The following PNPLA7 variants were observed in gnomAD, a reference collection of about 807,000 sequenced individuals.
PNPLA7 encodes patatin-like phospholipase domain-containing protein 7.
In PNPLA7, 153 loss-of-function variants were observed where a neutral mutation model predicts 161.7. The ratio of observed to expected loss-of-function variants is 0.95; its 90% CI spans 0.83 to 1.08. PNPLA7 has a LOEUF of 1.08. PNPLA7 is among the 50% of genes least tolerant of loss of function. PNPLA7 has a pLI of 0.00. For synonymous variants in PNPLA7, 809 were observed against 782.1 expected, an observed-to-expected ratio of 1.03 and a Z score of -0.57; for missense variants, 1,739 against 1,856.6, an observed-to-expected ratio of 0.94 and a Z score of 1.16.
At position 137,480,993 on chromosome 9, in the gene PNPLA7, A is replaced by G. The variant is rs1452390814; in HGVS notation, c.2378T>C (p.Ile793Thr). 4 of 1,551,516 alleles carry G rather than the reference A, an allele frequency of 2.6e-6. No individual in the cohort carries two copies. The South Asian group carries it at 3.6e-5, about 14-fold the overall frequency. Residue 793 changes from isoleucine to threonine, a missense_variant, in exon 22 of 35, where the codon ATA becomes ACA. Physicochemically the swap from Ile to Thr is moderately conservative, Grantham distance 89. Coordinates refer to ENST00000406427, the MANE Select transcript of PNPLA7 (RefSeq NM_001098537.3). ...GGCAGCGGAGCCAAGGCGCCGTTTT[A>G]TGTTGTCACTAGTCAGCAGCAGGGT... ...GPTLLLTSDN[I>T]KRRLGSAALD...
intron 21 of PNPLA7, among the ~76,000 whole-genome samples, chr9:137,483,703 C>T (rs543789264): frequency 2.0e-5 from 3 of 151,942 alleles, no homozygotes; most frequent in Admixed American, 6.6e-5. Flanking sequence ...GTGATCCACC[C>T]GCCTCGGCCT....
In PNPLA7 at chr9:137,493,093, A is replaced by T; in HGVS notation, c.2128-11T>A. The stretch of plus-strand genomic sequence containing the variant: ...CAGCCGAGTCACCACCTGCGGGCAG[A>T]CACAGGAGCCAAGAGCCACACGTTT... On this transcript the variant is annotated splice_polypyrimidine_tract_variant and intron_variant, in intron 19 of 34. Coordinates refer to ENST00000406427, the MANE Select transcript of PNPLA7 (RefSeq NM_001098537.3). 6.2e-7 allele frequency: 1 copy of T among 1,613,836 alleles called. No individual in the cohort carries two copies. The highest frequency in any genetic ancestry group is 8.5e-7 in the Non-Finnish European group (1 of 1,179,956).
chr9:137,521,228 C>T (rs1354404861), intron 10 of PNPLA7, among the ~76,000 whole-genome samples: 1 of 152,130 alleles, frequency 6.6e-6, no homozygotes, highest in Non-Finnish European at 1.5e-5. Flanking sequence ...GTGTGGCTGC[C>T]GATGTCCTAC....
At chr9:137,469,630 C>T (rs540317564) in intron 25 of PNPLA7, among the ~76,000 whole-genome samples, 2 of 151,996 alleles carry the variant, frequency 1.3e-5, no homozygotes, top group South Asian at 2.1e-4. Context: ...AATGTCTGCT[C>T]GTCTAAATGT....
chr9:137,544,213 G>T (rs1364815448), intron 4 of PNPLA7, among the ~76,000 whole-genome samples: 1 of 152,092 alleles, frequency 6.6e-6, no homozygotes. Flanking sequence ...CTCTGACCTG[G>T]GGCCACTGCC....
Position 137,500,021 on chromosome 9 carries a change from A to G in PNPLA7, c.1757+670T>C, listed in dbSNP as rs1222099913. ...GAGATTCTGGACCTGACAGAGCAGA[A>G]TGCCCAGTGCCGTGGATGCAAAGAC... On this transcript the variant is annotated intron_variant, in intron 16 of 34. Coordinates refer to ENST00000406427, the MANE Select transcript of PNPLA7 (RefSeq NM_001098537.3). This position sits in a 1 kb window ranked among gnomAD's most constrained non-coding sequence, Gnocchi z 5.5. 6.6e-6 allele frequency among the ~76,000 whole-genome samples: 1 copy of G among 152,248 alleles called. No homozygotes were observed. Among genetic ancestry groups the G allele is most frequent in the Non-Finnish European group, 1.5e-5 (1 of 68,040 alleles).
At chr9:137,484,813 G>A (rs767078546) in intron 20 of PNPLA7, 77 bp from the exon 21 acceptor site, 149 of 1,469,242 alleles carry the variant, frequency 1.0e-4, no homozygotes, top group Middle Eastern at 4.2e-4. Flanking sequence ...GGGGCCCCCC[G>A]AGGCTGCACA....
intron 32 of PNPLA7, 114 bp downstream of exon 32, chr9:137,461,817 G>A (rs116588758): frequency 7.9e-7 from 1 of 1,271,166 alleles, no homozygotes; most frequent in South Asian, 1.5e-5. Flanking sequence ...GGCCAGGGGG[G>A]CAGGGCCTGT....
At chr9:137,492,633 T>G (rs1264438448) in intron 20 of PNPLA7, among the ~76,000 whole-genome samples, 41 of 13,148 alleles carry the variant, frequency 3.1e-3, no homozygotes, top group Admixed American at 3.4e-3. Flanking sequence ...ATGAGCTGGG[T>G]GGGTGGGACT....
At chr9:137,517,778 CTCA>C (rs1834692156) in intron 11 of PNPLA7, among the ~76,000 whole-genome samples, 1 of 33,246 alleles carries the variant, frequency 3.0e-5, no homozygotes, top group African/African-American at 2.0e-4. Context: ...CACTCCATCC[CTCA>C]CTCACTCACT....
At chr9:137,538,618 A>G (rs1836019599) in intron 8 of PNPLA7, among the ~76,000 whole-genome samples, 1 of 152,270 alleles carries the variant, frequency 6.6e-6, no homozygotes, top group African/African-American at 2.4e-5. Context: ...CAAAAGGTGT[A>G]ACTCAAAAGA....
Position 137,540,629 on chromosome 9 carries a change from G to C in PNPLA7, c.747+13C>G, listed in dbSNP as rs1836144500. On this transcript the variant is annotated intron_variant, in intron 8 of 34. Transcript: ENST00000406427. The surrounding 1 kb of genome is among the most constrained non-coding windows in gnomAD (Gnocchi z 5.1). ...CCAGGGGCGCCCGGAGGGCCAGGCA[G>C]CGGGGGACTCACGGTGATGATGTCC... 2 of 1,605,634 alleles carry C rather than the reference G, an allele frequency of 1.2e-6. No homozygotes were observed. Among genetic ancestry groups the C allele is most frequent in the Non-Finnish European group, 1.7e-6 (2 of 1,176,624 alleles).
At position 137,510,879 on chromosome 9, in the gene PNPLA7, A is replaced by G. The variant is rs556102294; in HGVS notation, c.1225+4500T>C. Among the ~76,000 whole-genome samples, 87 of 152,360 alleles carry G rather than the reference A, an allele frequency of 5.7e-4. 1 individual carries two copies. The highest frequency in any genetic ancestry group is 1.4e-3 in the Admixed American group (21 of 15,306). ...ACAAGCTGTTCCAATATAATCAAGA[A>G]AATAGTTAGGATAAGAGAAAGTTAT... On this transcript the variant is annotated intron_variant, in intron 12 of 34. Coordinates refer to ENST00000406427, the MANE Select transcript of PNPLA7 (RefSeq NM_001098537.3).
At chr9:137,471,394 T>A (rs1344994031) in intron 25 of PNPLA7, among the ~76,000 whole-genome samples, 6 of 150,056 alleles carry the variant, frequency 4.0e-5, no homozygotes, top group East Asian at 2.0e-4. Context: ...AGATCAGGAG[T>A]TCAAGACCAG....
chr9:137,543,922 C>T lies in PNPLA7; in HGVS notation c.274-107G>A. The stretch of plus-strand genomic sequence containing the variant: ...GACCTGCCTGTGGGCCTCCCACAGT[C>T]CCAGCTTCAGCTCCTGGGGTCTGGC... On this transcript the variant is annotated intron_variant, in intron 4 of 34. Transcript: ENST00000406427. The surrounding 1 kb of genome is among the most constrained non-coding windows in gnomAD (Gnocchi z 6.9). 3 of 900,870 alleles carry T rather than the reference C, an allele frequency of 3.3e-6. No individual in the cohort carries two copies. Among genetic ancestry groups the T allele is most frequent in the Non-Finnish European group, 5.4e-6 (3 of 558,604 alleles). 55.8% of individuals were successfully genotyped at this position (900,870 alleles called of 1,614,324 possible). A position where few individuals can be genotyped will look rare whatever the true frequency, so the allele number is the denominator to read the frequency against.
rs567981978 is a variant in PNPLA7, at chr9:137,523,775, C to T, written c.748-918G>A. On this transcript the variant is annotated intron_variant, in intron 8 of 34. Coordinates refer to ENST00000406427, the MANE Select transcript of PNPLA7 (RefSeq NM_001098537.3). The surrounding 1 kb of genome is among the most constrained non-coding windows in gnomAD (Gnocchi z 4.4). ...CACAGTAGCTGGGGCTACAAGCGCC[C>T]GCCACCACGCCCGGCTAATTTGTTT... Among the ~76,000 whole-genome samples, 3 of 152,110 alleles carry T rather than the reference C, an allele frequency of 2.0e-5. No individual in the cohort carries two copies. The highest frequency in any genetic ancestry group is 6.5e-5 in the Admixed American group (1 of 15,272).
intron 26 of PNPLA7, among the ~76,000 whole-genome samples, chr9:137,465,107 G>A (rs1467371204): frequency 6.6e-6 from 1 of 152,198 alleles, no homozygotes; most frequent in African/African-American, 2.4e-5. Flanking sequence ...CAGGGCTCAG[G>A]GGACGGAGGC....
At chr9:137,511,587 G>C (rs533168609) in intron 12 of PNPLA7, among the ~76,000 whole-genome samples, 1 of 152,336 alleles carries the variant, frequency 6.6e-6, no homozygotes, top group African/African-American at 2.4e-5. Flanking sequence ...GACCAGGAAA[G>C]GGAGTCTCCC....
Position 137,503,965 on chromosome 9 carries a change from GGAA to G in PNPLA7, c.1473+1646_1473+1648del, listed in dbSNP as rs1223333713. ...AGGAAGAATGAAGAAGAAGGAAGAA[GGAA>G]GAAGAAGAAGGAAGAAGAAAGAAGC... On this transcript the variant is annotated intron_variant, in intron 14 of 34. Coordinates refer to ENST00000406427, the MANE Select transcript of PNPLA7 (RefSeq NM_001098537.3). Among the ~76,000 whole-genome samples, 203 of 78,504 alleles carry G rather than the reference GGAA, an allele frequency of 2.6e-3. 2 individuals are homozygous for G. The highest frequency in any genetic ancestry group is 7.4e-3 in the South Asian group (17 of 2,296). The allele number at this position is 78,504 out of a possible 152,430, so 51.5% of individuals were successfully genotyped here. A position where few individuals can be genotyped will look rare whatever the true frequency, so the allele number is the denominator to read the frequency against.
Sources: allele counts gnomAD v4.1 joint callset (sites outside exome capture counted in the v4.1 genomes callset), GRCh38; gene constraint gnomAD v4.1.1; non-coding constraint Gnocchi (gnomAD v3.1); transcripts MANE v1.5; gene names NCBI Gene and HGNC (gene_info 2026-07-23, HGNC 2026-07-21).